The following MCM6 variants were observed in gnomAD, a reference collection of about 807,000 sequenced individuals.
The protein encoded by MCM6 is minichromosome maintenance complex component 6.
MCM6 carries 46 observed loss-of-function variants against 94.3 expected under a neutral mutation model. The ratio of observed to expected loss-of-function variants is 0.49; its 90% confidence interval spans 0.39 to 0.62. The LOEUF is 0.62. Ranked by LOEUF, MCM6 falls within the 20% of genes least tolerant of loss-of-function variation. The pLI, the probability that MCM6 is intolerant of heterozygous loss-of-function variation, is 0.00. For synonymous variants in MCM6, 335 were observed against 351.9 expected (o/e 0.95, Z 0.54); for missense variants, 865 against 1,017.9 (o/e 0.85, Z 2.04).
At position 135,866,217 on chromosome 2, in the gene MCM6, A is replaced by T; in HGVS notation, c.842T>A (p.Ile281Asn). The T allele has an allele frequency of 1.9e-6, 3 of 1,614,174 alleles. No homozygotes were observed. Residue 281 changes from isoleucine to asparagine, a missense_variant, in exon 6 of 17, where the codon ATT (isoleucine) becomes AAT (asparagine). Ile to Asn is a moderately radical substitution (Grantham distance 149). Coordinates refer to ENST00000264156, the MANE Select transcript of MCM6 (RefSeq NM_005915.6). Reference sequence around the variant, plus strand: ...AACACCAAGGGCCCGGAGTCCTCGAATGCCTTCTGTCTCATATCCATCAAC... The same window carrying T: ...AACACCAAGGGCCCGGAGTCCTCGATTGCCTTCTGTCTCATATCCATCAAC... ...SGVDGYETEG[I>N]RGLRALGVRD...
Position 135,872,804 on chromosome 2 carries a change from T to C in MCM6, c.147A>G (p.Leu49=), listed in dbSNP as rs1350385332. The change falls in exon 2 of 17, where the codon TTA becomes TTG. Residue 49 remains leucine, a synonymous_variant. Transcript: ENST00000264156. ...SSDGEIKYLQ[L]AEELIRPERN... is the part of the protein sequence containing the mutation. ...TCTCAGGACGAATCAGTTCCTCTGC[T>C]AATTGCAAGTATTTAATTTCTCCAT... 1 of 1,614,238 alleles carries C rather than the reference T, an allele frequency of 6.2e-7. No individual in the cohort carries two copies. Among genetic ancestry groups the C allele is most frequent in the Admixed American group, 1.7e-5 (1 of 60,024 alleles).
In MCM6 at chr2:135,840,681, C is replaced by A; in HGVS notation, c.*154G>T. 1 of 600,686 alleles carries A rather than the reference C, an allele frequency of 1.7e-6. No homozygotes were observed. Among genetic ancestry groups the A allele is most frequent in the East Asian group, 2.8e-5 (1 of 35,658 alleles). The allele number at this position is 600,686 out of a possible 1,614,324, so 37.2% of individuals were successfully genotyped here. ...TATGAAACCTGTGATGAATGTGACA[C>A]ATAGGACCATCAACTCAATTCTTGT... On this transcript the variant is annotated 3_prime_UTR_variant, in exon 17 of 17. Coordinates refer to ENST00000264156, the MANE Select transcript of MCM6 (RefSeq NM_005915.6).
In MCM6 at chr2:135,868,616, G is replaced by A; in HGVS notation, c.610C>T (p.Gln204Ter). 6.2e-7 allele frequency: 1 copy of A among 1,613,768 alleles called. No individual in the cohort carries two copies. The highest frequency in any genetic ancestry group is 1.1e-5 in the South Asian group (1 of 91,064). Residue 204 changes from glutamine (Q) to a stop codon, truncating the protein, a stop_gained, in exon 4 of 17, where the codon CAA (glutamine) becomes TAA (stop). Transcript: ENST00000264156. LOFTEE classifies it high-confidence loss of function. ...AACAGATGTTAAATAAATACCTTTTGAAAATCAACAAATCTTGATTTATTT... is the reference window on the plus strand; with the variant it reads ...AACAGATGTTAAATAAATACCTTTTAAAAATCAACAAATCTTGATTTATTT... ...DTNKSRFVDF[Q>*]KVRIQETQAE...
At chr2:135,847,095 T>C (rs1264357631) in intron 14 of MCM6, among the ~76,000 whole-genome samples, 2 of 151,546 alleles carry the variant, frequency 1.3e-5, no homozygotes, top group East Asian at 3.8e-4. Flanking sequence ...TAGAAGCAAA[T>C]GTATAAACTC....
intron 6 of MCM6, 73 bp from the exon 7 acceptor site, chr2:135,865,236 A>G: frequency 8.8e-7 from 1 of 1,133,120 alleles, no homozygotes; most frequent in Non-Finnish European, 1.2e-6. Flanking sequence ...AAGAAACTTC[A>G]TTACAAACAC....
In MCM6 at chr2:135,848,120, A is replaced by G. The variant is rs1306768155; in HGVS notation, c.1986T>C (p.Pro662=). The change falls in exon 14 of 17, where the codon CCT becomes CCC. Residue 662 remains proline, a synonymous_variant. Transcript: ENST00000264156. The stretch of plus-strand genomic sequence containing the variant: ...CTTCCTCTTGATCTAGATTGACATC[A>G]GGTGTTTCCACACGGATGATTGATT... ...LNKSIIRVET[P]DVNLDQEEEI... 1.9e-6 allele frequency: 3 copies of G among 1,610,514 alleles called. No individual in the cohort carries two copies. In the Admixed American group the frequency reaches 5.0e-5, roughly 27 times the overall value.
intron 6 of MCM6, 120 bp from the exon 7 acceptor site, chr2:135,865,283 CT>C (rs1680070469): frequency 4.8e-6 from 3 of 631,270 alleles, no homozygotes; most frequent in South Asian, 1.1e-4. Context: ...AATTTATTGA[CT>C]GTAAAGGTTT....
At chr2:135,847,510 CA>C (rs1364987763) in intron 14 of MCM6, among the ~76,000 whole-genome samples, 3 of 152,154 alleles carry the variant, frequency 2.0e-5, no homozygotes, top group Admixed American at 6.6e-5. Flanking sequence ...GGGTAAAACC[CA>C]GGGGATTTAT....
rs545911501 is a variant in MCM6, at chr2:135,852,542, T to A, written c.1755+245A>T. 7.2e-5 allele frequency among the ~76,000 whole-genome samples: 11 copies of A among 152,300 alleles called. No homozygotes were observed. The South Asian group carries it at 2.1e-3, about 29-fold the overall frequency. On this transcript the variant is annotated intron_variant, in intron 12 of 16. Coordinates refer to ENST00000264156, the MANE Select transcript of MCM6 (RefSeq NM_005915.6). ...TAGATTATCCAGTTATCCAAAACTCTTCTCCCATACAAATCTTTTTATTAC... is the reference window on the plus strand; with the variant it reads ...TAGATTATCCAGTTATCCAAAACTCATCTCCCATACAAATCTTTTTATTAC...
intron 14 of MCM6, among the ~76,000 whole-genome samples, chr2:135,847,732 T>A (rs1679698762): frequency 6.6e-6 from 1 of 152,074 alleles, no homozygotes; most frequent in South Asian, 2.1e-4. Context: ...CCTGGCTAAT[T>A]TTTGCATTTT....
Position 135,866,166 on chromosome 2 carries a change from A to G in MCM6, c.893T>C (p.Phe298Ser), listed in dbSNP as rs760658240. The change falls in exon 6 of 17, where the codon TTT becomes TCT. Residue 298 changes from phenylalanine (F) to serine (S), a missense_variant. Physicochemically the swap from Phe to Ser is radical, Grantham distance 155 (BLOSUM62 -2). Around this residue, in one of 3 missense-constraint regions of MCM6, gnomAD observed 404 missense variants for 451.9 expected, o/e 0.89. Coordinates refer to ENST00000264156, the MANE Select transcript of MCM6 (RefSeq NM_005915.6). ...GVRDLSYRLV[F>S]LACCVAPTNP... ...GGTTGGCGCAACACAGCAGGCAAGA[A>G]AGACCAGCCTATAAGAAAGGTCCCT... 1 of 1,614,172 alleles carries G rather than the reference A, an allele frequency of 6.2e-7. No homozygotes were observed. Among genetic ancestry groups the G allele is most frequent in the Non-Finnish European group, 8.5e-7 (1 of 1,180,024 alleles).
chr2:135,848,775 C>T (rs1679714861), intron 13 of MCM6, among the ~76,000 whole-genome samples: 1 of 152,138 alleles, frequency 6.6e-6, no homozygotes, highest in South Asian at 2.1e-4. Flanking sequence ...ATCCCAGCTA[C>T]TCAGGAGGCT....
In MCM6 at chr2:135,853,278, C is replaced by T. The variant is rs1451637353; in HGVS notation, c.1627-363G>A. Among the ~76,000 whole-genome samples, 3 of 152,118 alleles carry T rather than the reference C, an allele frequency of 2.0e-5. No individual in the cohort carries two copies. In the East Asian group the frequency reaches 5.8e-4, roughly 29 times the overall value. On this transcript the variant is annotated intron_variant, in intron 11 of 16. Coordinates refer to ENST00000264156, the MANE Select transcript of MCM6 (RefSeq NM_005915.6). ...TCAGGGCGACAAACTGAGACCCTCC[C>T]TGTCTCTACAAAAAAACTAGCTGGG...
In MCM6 at chr2:135,866,739, GACAA is replaced by G. The variant is rs774995946; in HGVS notation, c.616-15_616-12del. 18 of 1,583,462 alleles carry G rather than the reference GACAA, an allele frequency of 1.1e-5. No individual in the cohort carries two copies. In the African/African-American group the frequency reaches 1.5e-4, roughly 13 times the overall value. The stretch of plus-strand genomic sequence containing the variant: ...CTCTTGAATACGAACCTGTAATACA[GACAA>G]ACAACCAACCAAGAATGAGAAGCAA... On this transcript the variant is annotated splice_polypyrimidine_tract_variant and intron_variant, in intron 4 of 16. Coordinates refer to ENST00000264156, the MANE Select transcript of MCM6 (RefSeq NM_005915.6).
chr2:135,862,841 G>A (rs1333364425), intron 7 of MCM6, 93 bp from the exon 8 acceptor site: 13 of 1,332,036 alleles, frequency 9.8e-6, no homozygotes, highest in South Asian at 2.6e-5. Flanking sequence ...TTTACCAACC[G>A]AAAGGCAGAG....
At chr2:135,863,475 G>A (rs560769085) in intron 7 of MCM6, among the ~76,000 whole-genome samples, 4 of 152,058 alleles carry the variant, frequency 2.6e-5, no homozygotes, top group South Asian at 2.1e-4. Flanking sequence ...TGGAAGATCC[G>A]AGCACTTTGG....
At chr2:135,856,950 G>T in intron 10 of MCM6, 67 bp from the exon 11 acceptor site, 1 of 1,393,580 alleles carries the variant, frequency 7.2e-7, no homozygotes, top group Non-Finnish European at 9.8e-7. Context: ...ATAACAACAT[G>T]TTCAATCTCA....
At chr2:135,875,211 C>G (rs1680273157) in intron 1 of MCM6, among the ~76,000 whole-genome samples, 1 of 152,058 alleles carries the variant, frequency 6.6e-6, no homozygotes, top group South Asian at 2.1e-4. Flanking sequence ...ACTAAAATAC[C>G]AAATTAGCCG....
chr2:135,875,810 C>T (rs2105595876), intron 1 of MCM6, among the ~76,000 whole-genome samples: 1 of 152,320 alleles, frequency 6.6e-6, no homozygotes, highest in East Asian at 1.9e-4. Flanking sequence ...TGGCCCGTGC[C>T]CTGCGAACCC....
Sources: allele counts gnomAD v4.1 joint callset (sites outside exome capture counted in the v4.1 genomes callset), GRCh38; gene constraint gnomAD v4.1.1; regional missense constraint gnomAD v4.1.1; transcripts MANE v1.5; gene names NCBI Gene and HGNC (gene_info 2026-07-23, HGNC 2026-07-21).